Variants in PCNX1 observed in about 807,000 individuals in gnomAD.
PCNX1 encodes pecanex-like protein 1.
In PCNX1, 78 loss-of-function variants were observed where a neutral mutation model predicts 242.2. The ratio of observed to expected loss-of-function variants is 0.32; its 90% CI spans 0.27 to 0.39. The LOEUF (loss-of-function observed/expected upper bound fraction) is 0.39. Ranked by LOEUF, PCNX1 falls within the 10% of genes least tolerant of loss-of-function variation. PCNX1 has a pLI of 1.00. For missense variants in PCNX1, 2,581 were observed against 2,856.5 expected (o/e 0.90, Z 2.20); for synonymous variants, 1,024 against 1,032.9 (o/e 0.99, Z 0.17).
intron 16 of PCNX1, among the ~76,000 whole-genome samples, chr14:71,029,576 G>C (rs1345938048): frequency 6.6e-6 from 1 of 152,312 alleles, no homozygotes; most frequent in South Asian, 2.1e-4. Context: ...GTGTAACGAA[G>C]GTTATGAAAA....
intron 12 of PCNX1, among the ~76,000 whole-genome samples, chr14:71,022,165 C>A (rs1331132331): frequency 1.3e-5 from 2 of 152,142 alleles, no homozygotes; most frequent in African/African-American, 4.8e-5. Context: ...TAACAAGTAA[C>A]CCAGTCCCTT....
At chr14:70,988,472 C>A in intron 6 of PCNX1, 95 bp from the exon 7 acceptor site, 1 of 1,290,968 alleles carries the variant, frequency 7.7e-7, no homozygotes, top group Non-Finnish European at 1.1e-6. Flanking sequence ...GTTCACTTTA[C>A]CCATGAGGGT....
intron 2 of PCNX1, among the ~76,000 whole-genome samples, chr14:70,960,052 C>T (rs1483293072): frequency 2.1e-5 from 2 of 95,272 alleles, no homozygotes; most frequent in Non-Finnish European, 4.7e-5. Flanking sequence ...CTGTTTATGT[C>T]CTTCGCCCAC....
intron 8 of PCNX1, among the ~76,000 whole-genome samples, chr14:70,999,030 T>C (rs997338250): frequency 9.2e-5 from 14 of 152,204 alleles, no homozygotes; most frequent in African/African-American, 3.4e-4. Context: ...GATTTTATAC[T>C]GTTTTCTGAA....
chr14:70,908,954 A>C (rs921349726), intron 1 of PCNX1, among the ~76,000 whole-genome samples: 15 of 152,258 alleles, frequency 9.9e-5, no homozygotes, highest in African/African-American at 3.6e-4. Context: ...ATGTTACTTA[A>C]GGCTTCATAT....
chr14:71,047,157 CA>C, intron 21 of PCNX1, 52 bp downstream of exon 21: 1 of 1,105,180 alleles, frequency 9.0e-7, no homozygotes, highest in Non-Finnish European at 1.3e-6. Flanking sequence ...CTGTTATAAA[CA>C]ATGTCTTAAG....
chr14:70,960,997 T>A (rs2058191079), intron 2 of PCNX1, among the ~76,000 whole-genome samples: 1 of 152,106 alleles, frequency 6.6e-6, no homozygotes, highest in Non-Finnish European at 1.5e-5. Flanking sequence ...TACAAACCAC[T>A]GCTCAATGAA....
At chr14:70,941,861 C>T (rs111392439) in intron 1 of PCNX1, among the ~76,000 whole-genome samples, 5,310 of 152,294 alleles carry the variant, frequency 0.035, 287 homozygotes, top group African/African-American at 0.12. Flanking sequence ...TCACTGCTGC[C>T]TTGCAGTTTG....
At chr14:71,073,400 G>C in intron 26 of PCNX1, 145 bp from the exon 27 acceptor site, 1 of 765,094 alleles carries the variant, frequency 1.3e-6, no homozygotes, top group Non-Finnish European at 2.1e-6. Flanking sequence ...GCTACAATTT[G>C]TTAATGAATA....
At chr14:71,047,164 T>C in intron 21 of PCNX1, 59 bp downstream of exon 21, 1 of 1,013,256 alleles carries the variant, frequency 9.9e-7, no homozygotes, top group Admixed American at 2.7e-5. Context: ...AAACAATGTC[T>C]TAAGTTGTTG....
At chr14:71,057,046 A>G (rs760782220) in intron 25 of PCNX1, among the ~76,000 whole-genome samples, 1 of 152,110 alleles carries the variant, frequency 6.6e-6, no homozygotes, top group Non-Finnish European at 1.5e-5. Context: ...AGCCATCTCA[A>G]TATGGCTAAT....
chr14:71,067,580 A>G (rs1368337797), intron 26 of PCNX1, among the ~76,000 whole-genome samples: 2 of 151,960 alleles, frequency 1.3e-5, no homozygotes, highest in Non-Finnish European at 1.5e-5. Context: ...GATTTTTTTG[A>G]AGGGTTTTTT....
chr14:70,924,954 T>C (rs929365210), intron 1 of PCNX1, among the ~76,000 whole-genome samples: 4 of 152,078 alleles, frequency 2.6e-5, no homozygotes, highest in African/African-American at 9.7e-5. Flanking sequence ...TATGCAATTA[T>C]ATTTGTAAAT....
At chr14:71,085,209 A>AC (rs2061955063) in intron 28 of PCNX1, among the ~76,000 whole-genome samples, 1 of 152,120 alleles carries the variant, frequency 6.6e-6, no homozygotes, top group Non-Finnish European at 1.5e-5. Flanking sequence ...TGAGCCGGGT[A>AC]CTTCAGTTGG....
intron 5 of PCNX1, among the ~76,000 whole-genome samples, chr14:70,971,633 T>C (rs1247581821): frequency 1.3e-5 from 2 of 152,200 alleles, no homozygotes; most frequent in Non-Finnish European, 2.9e-5. Flanking sequence ...AATCAACATA[T>C]ACTGTAGTAA....
At chr14:71,041,810 A>T (rs546173491) in intron 19 of PCNX1, among the ~76,000 whole-genome samples, 1 of 136,356 alleles carries the variant, frequency 7.3e-6, no homozygotes, top group East Asian at 2.2e-4. Flanking sequence ...ATACTATACT[A>T]TACTATACTA....
At chr14:71,106,967 A>G (rs2141882312) in intron 33 of PCNX1, among the ~76,000 whole-genome samples, 1 of 152,222 alleles carries the variant, frequency 6.6e-6, no homozygotes, top group Admixed American at 6.5e-5. Context: ...ACAACTTACT[A>G]TTCATTTATT....
intron 7 of PCNX1, among the ~76,000 whole-genome samples, chr14:70,994,659 T>A (rs2059293275): frequency 6.6e-6 from 1 of 151,522 alleles, no homozygotes; most frequent in South Asian, 2.1e-4. Context: ...TTGTTAAAGG[T>A]AAACTTCAAT....
At chr14:70,949,451 A>AT (rs2057688568) in intron 2 of PCNX1, among the ~76,000 whole-genome samples, 2 of 151,862 alleles carry the variant, frequency 1.3e-5, no homozygotes, top group East Asian at 1.9e-4. Flanking sequence ...ATATATGTAT[A>AT]ATATACACAT....
Sources: allele counts gnomAD v4.1 joint callset (sites outside exome capture counted in the v4.1 genomes callset), GRCh38; gene constraint gnomAD v4.1.1; transcripts MANE v1.5; gene names NCBI Gene and HGNC (gene_info 2026-07-23, HGNC 2026-07-21).